PRUNE2: variants seen among roughly 807,000 people sequenced by gnomAD.
PRUNE2 encodes protein prune homolog 2.
Under a neutral mutation model 252.0 loss-of-function variants are expected in PRUNE2, and 164 were observed. The observed-to-expected ratio is 0.65, with a 90% CI of 0.57 to 0.74. The LOEUF (loss-of-function observed/expected upper bound fraction) is 0.74, where lower values mean the gene tolerates loss of function less well. Among genes scored for constraint, PRUNE2 ranks in the 30% least tolerant of loss-of-function variants. The pLI, the probability that PRUNE2 is intolerant of heterozygous loss-of-function variation, is 0.00. For synonymous variants in PRUNE2, 1,292 were observed against 1,350.2 expected (o/e 0.96, Z 0.94); for missense variants, 3,495 against 3,711.0 (o/e 0.94, Z 1.51).
At chr9:76,719,540 C>CAG (rs2047443459) in intron 6 of PRUNE2, among the ~76,000 whole-genome samples, 1 of 151,872 alleles carries the variant, frequency 6.6e-6, no homozygotes, top group Non-Finnish European at 1.5e-5. Flanking sequence ...AATCCTAGCA[C>CAG]TTTGGGAGGC....
chr9:76,678,760 G>A (rs1414176387), intron 9 of PRUNE2, among the ~76,000 whole-genome samples: 3 of 152,190 alleles, frequency 2.0e-5, no homozygotes, highest in Non-Finnish European at 2.9e-5. Flanking sequence ...CCTCGGAGGC[G>A]GAGCTTGCGG....
intron 6 of PRUNE2, among the ~76,000 whole-genome samples, chr9:76,789,524 T>G (rs1479245675): frequency 6.6e-6 from 1 of 152,166 alleles, no homozygotes; most frequent in Non-Finnish European, 1.5e-5. Flanking sequence ...CAAATAGCAC[T>G]TGGTGGATCA....
At chr9:76,788,897 A>G (rs1351750262) in intron 6 of PRUNE2, among the ~76,000 whole-genome samples, 1 of 152,196 alleles carries the variant, frequency 6.6e-6, no homozygotes, top group Non-Finnish European at 1.5e-5. Flanking sequence ...TATGTATATA[A>G]GCTTCAAGAT....
chr9:76,850,060 GTTT>G (rs368632247), intron 3 of PRUNE2, among the ~76,000 whole-genome samples: 3 of 151,396 alleles, frequency 2.0e-5, no homozygotes, highest in Non-Finnish European at 4.4e-5. Flanking sequence ...TTTGTTTGTT[GTTT>G]TTTTTGAAAC....
At chr9:76,655,179 T>C (rs1329086184) in intron 10 of PRUNE2, among the ~76,000 whole-genome samples, 1 of 152,140 alleles carries the variant, frequency 6.6e-6, no homozygotes, top group Non-Finnish European at 1.5e-5. Flanking sequence ...ACTGAAAACA[T>C]TGGCAGATAA....
chr9:76,857,097 T>C, intron 1 of PRUNE2: 1 of 455,920 alleles, frequency 2.2e-6, no homozygotes, highest in Non-Finnish European at 4.4e-6. Context: ...CTCCTCACTT[T>C]CCTTCATCCT....
chr9:76,708,724 G>A lies in PRUNE2; in HGVS notation c.3550C>T (p.Gln1184Ter). 6.2e-7 allele frequency: 1 copy of A among 1,613,938 alleles called. No homozygotes were observed. Residue 1184 changes from glutamine to a stop codon, truncating the protein, a stop_gained, in exon 8 of 19, where the codon CAG becomes TAG. Coordinates refer to ENST00000376718, the MANE Select transcript of PRUNE2 (RefSeq NM_015225.3). LOFTEE classifies it high-confidence loss of function. Reference protein sequence around the residue: ...PWGLEYQEANQVDWELPASDE... With the variant: ...PWGLEYQEAN ...GAGGCAGGGAGCTCCCAATCTACCTGATTTGCTTCCTGATACTCCAAGCCC... is the reference window on the plus strand; with the variant it reads ...GAGGCAGGGAGCTCCCAATCTACCTAATTTGCTTCCTGATACTCCAAGCCC...
At chr9:76,711,878 C>G (rs1453024795) in intron 7 of PRUNE2, among the ~76,000 whole-genome samples, 4 of 152,136 alleles carry the variant, frequency 2.6e-5, no homozygotes, top group African/African-American at 4.8e-5. Flanking sequence ...GAACAGCACT[C>G]AGGACCCCTC....
intron 6 of PRUNE2, chr9:76,740,535 TTAAAA>T (rs1464640771): frequency 3.3e-5 from 5 of 151,902 alleles, no homozygotes; most frequent in Admixed American, 2.0e-4. Flanking sequence ...CCAAAAGGCA[TTAAAA>T]TAAAATTGTA....
intron 6 of PRUNE2, among the ~76,000 whole-genome samples, chr9:76,793,632 C>T (rs565975057): frequency 2.6e-5 from 4 of 152,236 alleles, no homozygotes; most frequent in Admixed American, 1.3e-4. Flanking sequence ...TGCTCAACTA[C>T]ATATCACCAG....
chr9:76,624,968 AACACTGGTGTACAC>A (rs1834038438), intron 16 of PRUNE2: 1 of 1,183,938 alleles, frequency 8.4e-7, no homozygotes, highest in African/African-American at 1.6e-5. Flanking sequence ...CCACAAGTAA[AACACTGGTGTACAC>A]ACACAGGGTC....
chr9:76,772,299 T>C (rs1028569288), intron 6 of PRUNE2, among the ~76,000 whole-genome samples: 2 of 152,204 alleles, frequency 1.3e-5, no homozygotes, highest in African/African-American at 4.8e-5. Context: ...GGATGGACTC[T>C]TCAATAGTTA....
chr9:76,872,884 AACCTTATTTGG>A (rs2061296293), intron 1 of PRUNE2, among the ~76,000 whole-genome samples: 1 of 152,168 alleles, frequency 6.6e-6, no homozygotes, highest in African/African-American at 2.4e-5. Flanking sequence ...CTCAGAATAT[AACCTTATTTGG>A]ACCTGGGGTC....
intron 4 of PRUNE2, among the ~76,000 whole-genome samples, chr9:76,829,793 G>C (rs908131030): frequency 6.6e-6 from 1 of 151,612 alleles, no homozygotes; most frequent in African/African-American, 2.4e-5. Flanking sequence ...CTGCCTTTGG[G>C]GTTCAAAAGT....
rs532716036 is a variant in PRUNE2 at position 76,793,416 on chromosome 9, G to A, written c.756+30216C>T. 1.3e-4 allele frequency among the ~76,000 whole-genome samples: 20 copies of A among 152,282 alleles called. No individual in the cohort carries two copies. In the East Asian group the frequency reaches 3.5e-3, roughly 26 times the overall value. On this transcript the variant is annotated intron_variant, in intron 6 of 18. Transcript: ENST00000376718. ...CCTCAATGATTAACAGAATGAAATC[G>A]ATGTTAGTGAATGAAGTTAATGAAT... is the stretch of plus-strand genomic sequence containing the variant.
rs1212213991 is a variant in PRUNE2 at position 76,641,808 on chromosome 9, C to T, written c.8728+2931G>A. Reference sequence around the variant, plus strand: ...ACCTTACCTGAGTGACACAGACAGGCATGAAAGGGATGTAACACAAGTTTG... The same window carrying T: ...ACCTTACCTGAGTGACACAGACAGGTATGAAAGGGATGTAACACAAGTTTG... On this transcript the variant is annotated intron_variant, in intron 12 of 18. Transcript: ENST00000376718. 9 of 784,496 alleles carry T rather than the reference C, an allele frequency of 1.1e-5. No individual in the cohort carries two copies. In the African/African-American group the frequency reaches 1.4e-4, roughly 12 times the overall value. 48.6% of individuals were successfully genotyped at this position (784,496 alleles called of 1,614,324 possible). A position where few individuals can be genotyped will look rare whatever the true frequency, so the allele number is the denominator to read the frequency against.
chr9:76,648,392 A>G (rs1845826450), intron 11 of PRUNE2, among the ~76,000 whole-genome samples: 1 of 152,234 alleles, frequency 6.6e-6, no homozygotes, highest in Admixed American at 6.5e-5. Context: ...CTTCATTCAT[A>G]ATTGCCAAAA....
intron 6 of PRUNE2, among the ~76,000 whole-genome samples, chr9:76,777,799 G>T (rs1216930174): frequency 6.6e-6 from 1 of 152,214 alleles, no homozygotes; most frequent in African/African-American, 2.4e-5. Flanking sequence ...GGTCAGGGAA[G>T]ATGTCACCAT....
intron 6 of PRUNE2, chr9:76,737,949 A>G (rs1374216195): frequency 6.6e-6 from 1 of 152,262 alleles, no homozygotes; most frequent in Non-Finnish European, 1.5e-5. Flanking sequence ...GAAAGCAGTG[A>G]TTAAAACATA....
Sources: allele counts gnomAD v4.1 joint callset (sites outside exome capture counted in the v4.1 genomes callset), GRCh38; gene constraint gnomAD v4.1.1; transcripts MANE v1.5; gene names NCBI Gene and HGNC (gene_info 2026-07-23, HGNC 2026-07-21).